ZNF892: variants seen among roughly 807,000 people sequenced by gnomAD.
The protein encoded by ZNF892 is zinc finger protein 892, also known as zinc finger protein 570-like.
chr2:95,215,325 G>T, the ZNF892 span: 1 of 467,906 alleles, frequency 2.1e-6, no homozygotes. Context: ...TGACCGCTCA[G>T]CCCTTATTCG....
chr2:95,233,288 C>T, the ZNF892 span, among the ~76,000 whole-genome samples: 1 of 151,206 alleles, frequency 6.6e-6, no homozygotes, highest in African/African-American at 2.4e-5. Context: ...TGGTTTAGAA[C>T]TCCGGGGCTC....
At chr2:95,224,307 A>G in the ZNF892 span, among the ~76,000 whole-genome samples, 2 of 152,220 alleles carry the variant, frequency 1.3e-5, no homozygotes, top group African/African-American at 4.8e-5. Flanking sequence ...ATGGAATCAT[A>G]CAGTCATCAT....
the ZNF892 span, among the ~76,000 whole-genome samples, chr2:95,226,786 GCCC>G: frequency 6.6e-6 from 1 of 151,966 alleles, no homozygotes; most frequent in African/African-American, 2.4e-5. Flanking sequence ...GTCCCTGTGG[GCCC>G]CCATTTTTAG....
chr2:95,249,463 G>A, the ZNF892 span, among the ~76,000 whole-genome samples: 3 of 149,648 alleles, frequency 2.0e-5, no homozygotes, highest in East Asian at 5.9e-4. Context: ...TGGTCAGGCT[G>A]GTCTTGAACT....
chr2:95,218,626 C>G, the ZNF892 span, among the ~76,000 whole-genome samples: 1 of 152,288 alleles, frequency 6.6e-6, no homozygotes, highest in South Asian at 2.1e-4. Context: ...GCAGCATCCC[C>G]CTTCTGGGTA....
the ZNF892 span, among the ~76,000 whole-genome samples, chr2:95,251,218 C>T: frequency 6.6e-6 from 1 of 152,030 alleles, no homozygotes; most frequent in African/African-American, 2.4e-5. Flanking sequence ...CATCTTAAAT[C>T]TTAGCCATGA....
chr2:95,263,210 G>T, the ZNF892 span, among the ~76,000 whole-genome samples: 1 of 152,158 alleles, frequency 6.6e-6, no homozygotes, highest in Admixed American at 6.6e-5. Flanking sequence ...TGCACCCATG[G>T]CTAACAGCCA....
the ZNF892 span, chr2:95,215,249 T>C: frequency 4.2e-6 from 2 of 472,690 alleles, no homozygotes; most frequent in South Asian, 1.2e-4. Flanking sequence ...CAGCCCTGAC[T>C]CAGCACCAGA....
the ZNF892 span, among the ~76,000 whole-genome samples, chr2:95,240,839 C>T: frequency 3.4e-4 from 51 of 152,230 alleles, no homozygotes; most frequent in East Asian, 6.8e-3. Flanking sequence ...CCAAATGGTG[C>T]GGAAGAGGAA....
At chr2:95,235,230 C>G in the ZNF892 span, among the ~76,000 whole-genome samples, 1 of 152,132 alleles carries the variant, frequency 6.6e-6, no homozygotes, top group Admixed American at 6.5e-5. Context: ...CAGAAGGCAT[C>G]CAGTCAAGAT....
chr2:95,211,811 A>G, the ZNF892 span: 9 of 397,468 alleles, frequency 2.3e-5, no homozygotes, highest in Admixed American at 4.4e-5. Flanking sequence ...CTTATATTCA[A>G]TGATTCTTAA....
the ZNF892 span, among the ~76,000 whole-genome samples, chr2:95,246,778 A>C: frequency 1.3e-5 from 2 of 152,338 alleles, no homozygotes; most frequent in East Asian, 3.9e-4. Flanking sequence ...AAAAGAATGA[A>C]ATACCTAGGA....
At chr2:95,247,230 C>T in the ZNF892 span, among the ~76,000 whole-genome samples, 4 of 152,192 alleles carry the variant, frequency 2.6e-5, no homozygotes, top group East Asian at 7.7e-4. Flanking sequence ...TGAGCTTCAA[C>T]AAAGTTGACA....
At chr2:95,259,285 C>T in the ZNF892 span, 1 of 152,888 alleles carries the variant, frequency 6.5e-6, no homozygotes, top group Non-Finnish European at 1.5e-5. Context: ...TGTTCTGCCA[C>T]TCTTCACTGG....
At chr2:95,209,389 G>A in the ZNF892 span, among the ~76,000 whole-genome samples, 1 of 152,318 alleles carries the variant, frequency 6.6e-6, no homozygotes, top group South Asian at 2.1e-4. Context: ...CCCCAGGACA[G>A]TCTACACTCG....
At chr2:95,233,467 A>T in the ZNF892 span, among the ~76,000 whole-genome samples, 3 of 150,998 alleles carry the variant, frequency 2.0e-5, no homozygotes, top group East Asian at 6.0e-4. Context: ...AAGTCAGGAG[A>T]TGGAGACCAT....
At chr2:95,217,178 G>C in the ZNF892 span, among the ~76,000 whole-genome samples, 1 of 152,128 alleles carries the variant, frequency 6.6e-6, no homozygotes, top group Non-Finnish European at 1.5e-5. Context: ...GAGAGAAATA[G>C]CTCCCTCTTC....
the ZNF892 span, among the ~76,000 whole-genome samples, chr2:95,206,705 G>A: frequency 6.6e-6 from 1 of 152,148 alleles, no homozygotes. Context: ...CATTGTTGGT[G>A]CTAATACCTT....
At chr2:95,238,864 C>T in the ZNF892 span, among the ~76,000 whole-genome samples, 3 of 152,016 alleles carry the variant, frequency 2.0e-5, no homozygotes, top group Non-Finnish European at 2.9e-5. Flanking sequence ...CTGGGCCAGG[C>T]GCGGTGGCTC....
Sources: allele counts gnomAD v4.1 joint callset (sites outside exome capture counted in the v4.1 genomes callset), GRCh38; gene constraint gnomAD v4.1.1; transcripts MANE v1.5; gene names NCBI Gene and HGNC (gene_info 2026-07-23, HGNC 2026-07-21).